The following SNX29 variants were observed in gnomAD, a reference collection of about 807,000 sequenced individuals.
SNX29 encodes the protein sorting nexin 29.
SNX29 carries 78 observed loss-of-function variants against 102.1 expected under a neutral mutation model. The observed-to-expected ratio is 0.76, with a 90% CI of 0.64 to 0.92. SNX29 has a LOEUF of 0.92. Ranked by LOEUF, SNX29 falls within the 40% of genes least tolerant of loss-of-function variation. The pLI is 0.00. For synonymous variants in SNX29, 580 were observed against 414.5 expected (o/e 1.40, Z -4.85); for missense variants, 1,280 against 1,061.7 (o/e 1.21, Z -2.86).
intron 13 of SNX29, among the ~76,000 whole-genome samples, chr16:12,132,021 T>TCACAA (rs2054488309): frequency 6.6e-6 from 1 of 152,184 alleles, no homozygotes; most frequent in Non-Finnish European, 1.5e-5. Context: ...ATAATTGCAT[T>TCACAA]TAATGTTCAC....
intron 19 of SNX29, among the ~76,000 whole-genome samples, chr16:12,487,528 G>C (rs561804565): frequency 6.6e-6 from 1 of 152,268 alleles, no homozygotes; most frequent in East Asian, 1.9e-4. Flanking sequence ...GCCAGGAATT[G>C]AGCCGAACTC....
At chr16:12,183,882 A>G (rs1474671428) in intron 13 of SNX29, among the ~76,000 whole-genome samples, 1 of 152,240 alleles carries the variant, frequency 6.6e-6, no homozygotes, top group Non-Finnish European at 1.5e-5. Context: ...GCTATGTGAC[A>G]GTCCACTAGT....
At chr16:12,465,135 CA>C (rs1439443175) in intron 18 of SNX29, among the ~76,000 whole-genome samples, 13 of 152,194 alleles carry the variant, frequency 8.5e-5, no homozygotes, top group African/African-American at 3.1e-4. Context: ...AACCCCTTAT[CA>C]GATATGGGGG....
intron 1 of SNX29, among the ~76,000 whole-genome samples, chr16:11,989,838 C>A (rs976241424): frequency 1.3e-5 from 2 of 152,150 alleles, no homozygotes; most frequent in Non-Finnish European, 2.9e-5. Flanking sequence ...CCTTGGGGGA[C>A]CCTCTGCAGG....
At chr16:12,524,176 A>G (rs1383671185) in intron 19 of SNX29, among the ~76,000 whole-genome samples, 1 of 152,150 alleles carries the variant, frequency 6.6e-6, no homozygotes, top group Admixed American at 6.5e-5. Flanking sequence ...TCAAGAGAAT[A>G]CGGAAATTGT....
chr16:12,257,138 G>A (rs2078597295), intron 14 of SNX29, among the ~76,000 whole-genome samples: 1 of 152,132 alleles, frequency 6.6e-6, no homozygotes, highest in African/African-American at 2.4e-5. Flanking sequence ...GAATGACTAA[G>A]GTTCCCGCTT....
intron 15 of SNX29, among the ~76,000 whole-genome samples, chr16:12,284,807 CT>C (rs2079541912): frequency 6.6e-6 from 1 of 152,038 alleles, no homozygotes; most frequent in African/African-American, 2.4e-5. Context: ...TCACTGCAAC[CT>C]CTGCCTCCCA....
chr16:12,549,059 G>A (rs922645577), intron 20 of SNX29, among the ~76,000 whole-genome samples: 2 of 152,206 alleles, frequency 1.3e-5, no homozygotes, highest in African/African-American at 4.8e-5. Flanking sequence ...TCTTGCAGCT[G>A]GGCAGGCATC....
At chr16:12,268,244 G>A (rs2078990386) in intron 14 of SNX29, among the ~76,000 whole-genome samples, 1 of 152,256 alleles carries the variant, frequency 6.6e-6, no homozygotes, top group Non-Finnish European at 1.5e-5. Context: ...CACTGGAACA[G>A]AAGCTTCATA....
intron 1 of SNX29, chr16:11,977,551 T>A (rs2055330676): frequency 6.5e-6 from 1 of 152,730 alleles, no homozygotes; most frequent in Admixed American, 6.5e-5. Flanking sequence ...TGCCTTGTCC[T>A]GCAGCCCTTC....
intron 20 of SNX29, among the ~76,000 whole-genome samples, chr16:12,528,495 C>T (rs761354418): frequency 6.6e-6 from 1 of 152,196 alleles, no homozygotes; most frequent in Non-Finnish European, 1.5e-5. Flanking sequence ...CCACCACCCC[C>T]AGCCTAGCTT....
In SNX29 at chr16:12,277,917, CTCTCTT is replaced by C; in HGVS notation, c.1679-10_1679-5del. On this transcript the variant is annotated splice_polypyrimidine_tract_variant and intron_variant, in intron 14 of 20. Transcript: ENST00000566228. ...TACTGTTGAAATATTTATGACATGTCTCTCTTTCTCTAAAGTGCCAAATCTTTGGAG... is the reference window on the plus strand; with the variant it reads ...TACTGTTGAAATATTTATGACATGTCTCTCTAAAGTGCCAAATCTTTGGAG... 6.3e-7 allele frequency: 1 copy of C among 1,588,194 alleles called. No homozygotes were observed. Among genetic ancestry groups the C allele is most frequent in the Non-Finnish European group, 8.6e-7 (1 of 1,164,708 alleles).
At chr16:12,286,233 T>C (rs1362937418) in intron 15 of SNX29, among the ~76,000 whole-genome samples, 3 of 152,024 alleles carry the variant, frequency 2.0e-5, no homozygotes, top group African/African-American at 7.2e-5. Flanking sequence ...AAATGGAGTG[T>C]TTAAGTGTCT....
intron 19 of SNX29, among the ~76,000 whole-genome samples, chr16:12,500,099 C>T (rs2089039802): frequency 6.6e-6 from 1 of 152,222 alleles, no homozygotes; most frequent in Non-Finnish European, 1.5e-5. Flanking sequence ...TTAAGGGATC[C>T]TCCTACCTCA....
chr16:12,168,261 C>T (rs1429945762), intron 13 of SNX29, among the ~76,000 whole-genome samples: 1 of 152,108 alleles, frequency 6.6e-6, no homozygotes, highest in East Asian at 1.9e-4. Flanking sequence ...GACATTTGAG[C>T]AGATGAGGGT....
At chr16:12,019,014 G>C (rs1393753739) in intron 3 of SNX29, among the ~76,000 whole-genome samples, 1 of 151,832 alleles carries the variant, frequency 6.6e-6, no homozygotes, top group Non-Finnish European at 1.5e-5. Context: ...CTATATCCAA[G>C]TTTTCTATAA....
Position 12,573,460 on chromosome 16 carries a change from G to A in SNX29, c.*4831G>A, listed in dbSNP as rs530812457. ...AAGATAGTTGAGCCTATGACATTAAGGAGCAGCGCTGCTGGCGGAAGATTC... is the reference window on the plus strand; with the variant it reads ...AAGATAGTTGAGCCTATGACATTAAAGAGCAGCGCTGCTGGCGGAAGATTC... On this transcript the variant is annotated 3_prime_UTR_variant, in exon 21 of 21. Coordinates refer to ENST00000566228, the MANE Select transcript of SNX29 (RefSeq NM_032167.5). 31 of 224,330 alleles carry A rather than the reference G, an allele frequency of 1.4e-4. No individual in the cohort carries two copies. In the South Asian group the frequency reaches 5.7e-3, roughly 41 times the overall value. 13.9% of individuals were successfully genotyped at this position (224,330 alleles called of 1,614,324 possible). A position where few individuals can be genotyped will look rare whatever the true frequency, so the allele number is the denominator to read the frequency against.
Position 12,437,975 on chromosome 16 carries a change from C to A in SNX29, c.2037+34446C>A, listed in dbSNP as rs145172270. The stretch of plus-strand genomic sequence containing the variant: ...GGCCCAGCTCTGCCTGGTGTGGGCT[C>A]CTCACCCCATGTGGCACAGATGCAG... On this transcript the variant is annotated intron_variant, in intron 18 of 20. Transcript: ENST00000566228. Among the ~76,000 whole-genome samples the A allele has an allele frequency of 2.3e-4, 35 of 152,244 alleles. No individual in the cohort carries two copies. In the East Asian group the frequency reaches 6.4e-3, roughly 28 times the overall value.
chr16:12,147,021 T>A (rs1309136131), intron 13 of SNX29, among the ~76,000 whole-genome samples: 1 of 152,276 alleles, frequency 6.6e-6, no homozygotes, highest in East Asian at 1.9e-4. Context: ...TGTGCTTGTT[T>A]ATTTTCTCTA....
Sources: allele counts gnomAD v4.1 joint callset (sites outside exome capture counted in the v4.1 genomes callset), GRCh38; gene constraint gnomAD v4.1.1; transcripts MANE v1.5; gene names NCBI Gene and HGNC (gene_info 2026-07-23, HGNC 2026-07-21).